Variants in TBP observed in about 807,000 individuals in gnomAD.
TBP encodes the protein TATA-box binding protein.
A neutral mutation model predicts 46.2 loss-of-function variants in TBP; 12 were observed. The observed-to-expected ratio is 0.26, with a 90% CI of 0.17 to 0.42. TBP has a LOEUF of 0.42. TBP is among the 10% of genes least tolerant of loss of function. TBP has a pLI of 1.00. For missense variants in TBP, 229 were observed against 403.1 expected (o/e 0.57, Z 3.70); for synonymous variants, 157 against 148.3 (o/e 1.06, Z -0.42).
chr6:170,572,234 C>T lies in TBP; in HGVS notation c.989C>T (p.Pro330Leu). ...EIYEAFENIY[P>L]ILKGFRKTT ...TATGAAGCATTTGAAAACATCTACC[C>T]TATTCTAAAGGGATTCAGGAAGACG... Residue 330 changes from proline (P) to leucine (L), a missense_variant, in exon 8 of 8, where the codon CCT becomes CTT. By Grantham distance (98) the Pro-to-Leu change is moderately conservative (BLOSUM62 -3). Coordinates refer to ENST00000392092, the MANE Select transcript of TBP (RefSeq NM_003194.5). 6.2e-7 allele frequency: 1 copy of T among 1,613,932 alleles called. No individual in the cohort carries two copies. The highest frequency in any genetic ancestry group is 8.5e-7 in the Non-Finnish European group (1 of 1,179,976).
intron 3 of TBP, among the ~76,000 whole-genome samples, 187 bp from the exon 4 acceptor site, chr6:170,564,358 T>A (rs189983740): frequency 1.1e-3 from 167 of 152,342 alleles, no homozygotes; most frequent in Non-Finnish European, 1.2e-3. Context: ...GCGTTATATG[T>A]ATTAAATGGA....
chr6:170,564,651 T>G lies in TBP; in HGVS notation c.585+19T>G. ...TCCCAAGGTTAGATCTATTTTAATG[T>G]ATTTCTTTTTTTTTTCTTTTTTGTC... On this transcript the variant is annotated intron_variant, in intron 4 of 7. Transcript: ENST00000392092. 6 of 1,554,156 alleles carry G rather than the reference T, an allele frequency of 3.9e-6. No homozygotes were observed. The highest frequency in any genetic ancestry group is 5.2e-6 in the Non-Finnish European group (6 of 1,143,058).
chr6:170,570,195 C>T (rs1320789970), intron 6 of TBP, among the ~76,000 whole-genome samples: 1 of 152,146 alleles, frequency 6.6e-6, no homozygotes, highest in Non-Finnish European at 1.5e-5. Context: ...AATTATCTTC[C>T]CTGCTACTTG....
At chr6:170,565,143 G>A (rs1470697103) in intron 4 of TBP, among the ~76,000 whole-genome samples, 2 of 152,056 alleles carry the variant, frequency 1.3e-5, no homozygotes, top group Non-Finnish European at 2.9e-5. Context: ...GCAACAGAGC[G>A]AGACTCCGCC....
rs1779380843 is a variant in TBP at position 170,572,382 on chromosome 6, G to A, written c.*117G>A. On this transcript the variant is annotated 3_prime_UTR_variant, in exon 8 of 8. Coordinates refer to ENST00000392092, the MANE Select transcript of TBP (RefSeq NM_003194.5). The stretch of plus-strand genomic sequence containing the variant: ...TGAGAAGATGGATGTTGAGTTGCAG[G>A]GTGTGGCACCAGGTGATGCCCTTCT... 2 of 861,832 alleles carry A rather than the reference G, an allele frequency of 2.3e-6. No homozygotes were observed. The highest frequency in any genetic ancestry group is 1.7e-5 in the African/African-American group (1 of 58,440). 53.4% of individuals were successfully genotyped at this position (861,832 alleles called of 1,614,324 possible). A position where few individuals can be genotyped will look rare whatever the true frequency, so the allele number is the denominator to read the frequency against.
intron 7 of TBP, 83 bp downstream of exon 7, chr6:170,571,587 G>C: frequency 1.8e-6 from 2 of 1,102,012 alleles, no homozygotes; most frequent in Admixed American, 2.0e-5. Flanking sequence ...AGAAATTTCA[G>C]TGTTCGGACA....
chr6:170,569,668 G>T lies in TBP; in HGVS notation c.734G>T (p.Gly245Val). The T allele has an allele frequency of 6.2e-7, 1 of 1,614,130 alleles. No homozygotes were observed. Among genetic ancestry groups the T allele is most frequent in the Non-Finnish European group, 8.5e-7 (1 of 1,180,002 alleles). ...RKYARVVQKLGFPAKFLDFKI... is the reference protein window; with the variant it reads ...RKYARVVQKLVFPAKFLDFKI... ...TATGCTAGAGTTGTACAGAAGTTGG[G>T]TTTTCCAGCTAAGTTCTTGGACTTC... is the stretch of plus-strand genomic sequence containing the variant. Residue 245 changes from glycine to valine, a missense_variant, in exon 6 of 8, where the codon GGT (glycine) becomes GTT (valine). This residue lies in a region of TBP where 67 missense variants were observed against 188.2 expected (regional missense o/e 0.36). Coordinates refer to ENST00000392092, the MANE Select transcript of TBP (RefSeq NM_003194.5).
intron 7 of TBP, 76 bp from the exon 8 acceptor site, chr6:170,572,110 G>GT (rs1363307517): frequency 8.5e-7 from 1 of 1,177,640 alleles, no homozygotes; most frequent in East Asian, 2.3e-5. Flanking sequence ...CAGCTTTAAG[G>GT]TAAGAATTTT....
At chr6:170,555,226 A>G (rs1038076789) in intron 1 of TBP, among the ~76,000 whole-genome samples, 45 of 152,194 alleles carry the variant, frequency 3.0e-4, no homozygotes, top group African/African-American at 1.1e-3. Context: ...GTCCTGGATA[A>G]ATCTCTAATC....
At chr6:170,569,530 T>C (rs1289682471) in intron 5 of TBP, 82 bp from the exon 6 acceptor site, 1 of 1,298,650 alleles carries the variant, frequency 7.7e-7, no homozygotes, top group Non-Finnish European at 1.1e-6. Flanking sequence ...TTTACTGTTT[T>C]GGACTTTTTA....
intron 5 of TBP, among the ~76,000 whole-genome samples, chr6:170,568,303 G>C (rs3823298): frequency 0.57 from 87,059 of 152,076 alleles, 25,971 homozygotes; most frequent in East Asian, 0.79. Context: ...TATTGTATAT[G>C]TAGTTGGATG....
intron 3 of TBP, among the ~76,000 whole-genome samples, chr6:170,562,671 G>T (rs1464500003): frequency 1.3e-5 from 2 of 152,104 alleles, no homozygotes; most frequent in Admixed American, 6.5e-5. Context: ...ATCTTTGAAG[G>T]TCTGTGTCCT....
intron 4 of TBP, among the ~76,000 whole-genome samples, chr6:170,566,255 T>C (rs1025943912): frequency 3.9e-5 from 6 of 152,238 alleles, no homozygotes; most frequent in Non-Finnish European, 7.3e-5. Context: ...AGGCCATTAA[T>C]TCAACCCACA....
At chr6:170,571,633 A>T (rs1243984712) in intron 7 of TBP, 129 bp downstream of exon 7, 2 of 693,080 alleles carry the variant, frequency 2.9e-6, no homozygotes, top group African/African-American at 3.6e-5. Context: ...CTCCCACCCA[A>T]AGTCTGATGA....
chr6:170,557,249 A>G (rs1251321423), intron 2 of TBP, among the ~76,000 whole-genome samples, 166 bp downstream of exon 2: 2 of 152,196 alleles, frequency 1.3e-5, no homozygotes, highest in African/African-American at 4.8e-5. Flanking sequence ...AATAGGCACA[A>G]TGGTGTTTAT....
intron 7 of TBP, among the ~76,000 whole-genome samples, chr6:170,571,874 A>G (rs1779371345): frequency 6.6e-6 from 1 of 151,912 alleles, no homozygotes. Context: ...AAGAAGATTC[A>G]GTTGTTATCA....
Position 170,564,700 on chromosome 6 carries a change from T to C in TBP, c.585+68T>C, listed in dbSNP as rs533755539. On this transcript the variant is annotated intron_variant, in intron 4 of 7. Coordinates refer to ENST00000392092, the MANE Select transcript of TBP (RefSeq NM_003194.5). ...TCTCCTCTGCCGTGTCTCTATATTTTAATGTATTTCACGCTATAAAACAAA... is the reference window on the plus strand; with the variant it reads ...TCTCCTCTGCCGTGTCTCTATATTTCAATGTATTTCACGCTATAAAACAAA... 9.0e-6 allele frequency: 10 copies of C among 1,112,854 alleles called. No individual in the cohort carries two copies. The East Asian group carries it at 2.4e-4, about 27-fold the overall frequency. The allele number at this position is 1,112,854 out of a possible 1,614,324, so 68.9% of individuals were successfully genotyped here.
intron 2 of TBP, among the ~76,000 whole-genome samples, chr6:170,561,298 C>T (rs1270561057): frequency 6.6e-6 from 1 of 152,220 alleles, no homozygotes; most frequent in Non-Finnish European, 1.5e-5. Flanking sequence ...ATTGATGCCG[C>T]TTGCTTTATT....
At position 170,568,634 on chromosome 6, in the gene TBP, T is replaced by C. The variant is rs1779310156; in HGVS notation, c.678-978T>C. ...CATGCCTGGCTAATTTTTGTATTTT[T>C]AGTAGAGATGGGGTTTCACTGTGTT... On this transcript the variant is annotated intron_variant, in intron 5 of 7. Coordinates refer to ENST00000392092, the MANE Select transcript of TBP (RefSeq NM_003194.5). Among the ~76,000 whole-genome samples, 4 of 151,552 alleles carry C rather than the reference T, an allele frequency of 2.6e-5. No individual in the cohort carries two copies. In the South Asian group the frequency reaches 6.3e-4, roughly 24 times the overall value.
Sources: gnomAD v4.1 joint callset for allele counts (sites outside exome capture counted in the v4.1 genomes callset) on GRCh38, gnomAD v4.1.1 for gene constraint, gnomAD v4.1.1 regional missense constraint, MANE v1.5 for transcripts, NCBI Gene and HGNC (gene_info 2026-07-23, HGNC 2026-07-21) for gene names.